The following NBAS variants were observed in gnomAD, a reference collection of about 807,000 sequenced individuals.
NBAS encodes NAG/BC035112 fusion.
In NBAS, 219 loss-of-function variants were observed where a neutral mutation model predicts 302.5. The observed-to-expected ratio is 0.72, with a 90% confidence interval of 0.65 to 0.81. The LOEUF is 0.81. Among genes scored for constraint, NBAS ranks in the 30% least tolerant of loss-of-function variants. NBAS has a pLI of 0.00. For synonymous variants in NBAS, 1,118 were observed against 1,021.6 expected (o/e 1.09, Z -1.80); for missense variants, 2,932 against 2,841.6 (o/e 1.03, Z -0.72).
chr2:15,029,909 C>T, the NBAS span, among the ~76,000 whole-genome samples: 1 of 152,204 alleles, frequency 6.6e-6, no homozygotes, highest in African/African-American at 2.4e-5. Flanking sequence ...GTGCTTTCAA[C>T]ACAGACTCTC....
chr2:15,009,846 T>C, the NBAS span, among the ~76,000 whole-genome samples: 1,500 of 152,000 alleles, frequency 9.9e-3, 28 homozygotes, highest in African/African-American at 0.035. Context: ...TCTCTACACA[T>C]GCAGGAGTTT....
intron 27 of NBAS, among the ~76,000 whole-genome samples, chr2:15,396,165 A>C (rs892105404): frequency 6.6e-6 from 1 of 152,170 alleles, no homozygotes; most frequent in African/African-American, 2.4e-5. Flanking sequence ...AGGCCCAAAG[A>C]TCACACGACT....
At chr2:15,259,255 T>C (rs1030806602) in intron 44 of NBAS, among the ~76,000 whole-genome samples, 4 of 152,186 alleles carry the variant, frequency 2.6e-5, no homozygotes, top group Admixed American at 6.5e-5. Context: ...AGACGTTGAA[T>C]TGCATTACAA....
the NBAS span, among the ~76,000 whole-genome samples, chr2:14,972,285 C>A: frequency 2.0e-5 from 3 of 152,012 alleles, no homozygotes; most frequent in African/African-American, 7.3e-5. Flanking sequence ...ACAACACATA[C>A]CAGGGCCTGT....
chr2:14,829,554 T>C, the NBAS span, among the ~76,000 whole-genome samples: 1 of 152,182 alleles, frequency 6.6e-6, no homozygotes. Flanking sequence ...AAAGTACATT[T>C]CTAAGATTGC....
intron 50 of NBAS, chr2:15,180,150 T>C (rs1336543353): frequency 6.6e-6 from 1 of 152,258 alleles, no homozygotes; most frequent in Non-Finnish European, 1.5e-5. Context: ...TACATTATTA[T>C]AGAGCATCAA....
chr2:15,160,506 G>T, the NBAS span, among the ~76,000 whole-genome samples: 2 of 149,850 alleles, frequency 1.3e-5, no homozygotes, highest in Admixed American at 1.4e-4. Flanking sequence ...GCTGCACCAG[G>T]AACAAGCTGC....
chr2:15,123,056 T>C, the NBAS span, among the ~76,000 whole-genome samples: 1 of 152,180 alleles, frequency 6.6e-6, no homozygotes, highest in Non-Finnish European at 1.5e-5. Flanking sequence ...TGACCACCAG[T>C]GACTTCCCCC....
chr2:14,849,072 T>C, the NBAS span, among the ~76,000 whole-genome samples: 1 of 150,698 alleles, frequency 6.6e-6, no homozygotes, highest in Admixed American at 6.6e-5. Context: ...CAAAGCTGGA[T>C]GGAGAATGAT....
In NBAS at chr2:15,232,516, G is replaced by A. The variant is rs1455074674; in HGVS notation, c.6147-5C>T. On this transcript the variant is annotated splice_polypyrimidine_tract_variant and splice_region_variant and intron_variant, in intron 46 of 51. Transcript: ENST00000281513. The stretch of plus-strand genomic sequence containing the variant: ...CCAAGGTCAGCACTGCCACCACTGT[G>A]AAAAGAGAGATAAACTGATTCAGAA... 2 of 1,611,890 alleles carry A rather than the reference G, an allele frequency of 1.2e-6. No homozygotes were observed. Among genetic ancestry groups the A allele is most frequent in the African/African-American group, 1.3e-5 (1 of 74,882 alleles).
intron 51 of NBAS, chr2:15,178,214 A>G (rs1664644837): frequency 2.2e-6 from 1 of 463,856 alleles, no homozygotes; most frequent in Admixed American, 2.4e-5. Context: ...ATATATATGT[A>G]TATATACAAT....
intron 6 of NBAS, among the ~76,000 whole-genome samples, chr2:15,543,805 G>C (rs1405032465): frequency 6.6e-6 from 1 of 152,202 alleles, no homozygotes; most frequent in African/African-American, 2.4e-5. Context: ...GATGAGATTT[G>C]GGTGGGGACA....
chr2:15,327,971 G>T, intron 37 of NBAS, 101 bp from the exon 38 acceptor site: 1 of 1,471,118 alleles, frequency 6.8e-7, no homozygotes. Context: ...CTGGTGACTT[G>T]AATAATAACT....
rs756877703 is a variant in NBAS, at chr2:15,218,986, G to A, written c.6237-18C>T. The A allele has an allele frequency of 1.9e-6, 3 of 1,613,940 alleles. No individual in the cohort carries two copies. The highest frequency in any genetic ancestry group is 2.5e-6 in the Non-Finnish European group (3 of 1,179,966). On this transcript the variant is annotated intron_variant, in intron 47 of 51. Transcript: ENST00000281513. ...GCTCCTCACTGCAGGGCAAAATCCA[G>A]AGGTATCTGTAAACTCCTAAGCCTT...
chr2:14,898,985 C>T, the NBAS span, among the ~76,000 whole-genome samples: 1 of 152,088 alleles, frequency 6.6e-6, no homozygotes, highest in South Asian at 2.1e-4. Context: ...TGGTTTCAGT[C>T]ATATGGTGGC....
At chr2:15,539,077 C>A (rs1460368869) in intron 7 of NBAS, 146 bp downstream of exon 7, 1 of 1,081,484 alleles carries the variant, frequency 9.2e-7, no homozygotes, top group Non-Finnish European at 1.4e-6. Flanking sequence ...ATACAGATTT[C>A]TAACTAGATT....
the NBAS span, among the ~76,000 whole-genome samples, chr2:14,883,622 G>A: frequency 6.6e-6 from 1 of 152,122 alleles, no homozygotes; most frequent in Non-Finnish European, 1.5e-5. Flanking sequence ...GTCACTACAG[G>A]TAGCACATCC....
At chr2:15,409,940 A>G (rs1676601647) in intron 25 of NBAS, among the ~76,000 whole-genome samples, 1 of 152,190 alleles carries the variant, frequency 6.6e-6, no homozygotes, top group Admixed American at 6.5e-5. Context: ...GCCCATGTCC[A>G]GTTTTATCAC....
chr2:15,538,110 A>G (rs559123767), intron 7 of NBAS, among the ~76,000 whole-genome samples: 1 of 152,352 alleles, frequency 6.6e-6, no homozygotes, highest in South Asian at 2.1e-4. Context: ...TTTTGGATAT[A>G]TTGGATGATA....
Sources: allele counts gnomAD v4.1 joint callset (sites outside exome capture counted in the v4.1 genomes callset), GRCh38; gene constraint gnomAD v4.1.1; transcripts MANE v1.5; gene names NCBI Gene and HGNC (gene_info 2026-07-23, HGNC 2026-07-21).